MARCHF4: variants seen among roughly 807,000 people sequenced by gnomAD.
MARCHF4 encodes the protein E3 ubiquitin-protein ligase MARCHF4.
Under a neutral mutation model 43.9 loss-of-function variants are expected in MARCHF4, and 14 were observed. That is an observed-to-expected ratio of 0.32 (90% CI 0.21 to 0.50). The LOEUF (loss-of-function observed/expected upper bound fraction) is 0.50. Ranked by LOEUF, MARCHF4 falls within the 20% of genes least tolerant of loss-of-function variation. The probability of loss-of-function intolerance (pLI) is 0.98; values close to 1 mark genes in which losing one functional copy is unlikely to be tolerated. For synonymous variants in MARCHF4, 226 were observed against 213.3 expected, an observed-to-expected ratio of 1.06 and a Z score of -0.52; for missense variants, 468 against 536.7, an observed-to-expected ratio of 0.87 and a Z score of 1.27.
At position 216,369,799 on chromosome 2, in the gene MARCHF4, C is replaced by T; in HGVS notation, c.462G>A (p.Leu154=). ...AGAGTGGGGTCCTCATACCACTGTC[C>T]AAGCTGCTGCCCAGTGAGTAGCGAT... The part of the protein sequence containing the change: ...TEDRYSLGSS[L]DSGMRTPLCR... The change falls in exon 1 of 4, where the codon TTG becomes TTA. Residue 154 remains leucine (L), a synonymous_variant. Coordinates refer to ENST00000273067, the MANE Select transcript of MARCHF4 (RefSeq NM_020814.3). The T allele has an allele frequency of 6.2e-7, 1 of 1,612,982 alleles. No individual in the cohort carries two copies. Among genetic ancestry groups the T allele is most frequent in the Non-Finnish European group, 8.5e-7 (1 of 1,179,496 alleles).
At chr2:216,326,924 C>T in intron 1 of MARCHF4, among the ~76,000 whole-genome samples, 1 of 151,876 alleles carries the variant, frequency 6.6e-6, no homozygotes, top group Non-Finnish European at 1.5e-5. Context: ...AACTAACCTG[C>T]ACATTGTGCA....
At chr2:216,305,685 G>A (rs1691575709) in intron 1 of MARCHF4, among the ~76,000 whole-genome samples, 1 of 152,210 alleles carries the variant, frequency 6.6e-6, no homozygotes, top group Non-Finnish European at 1.5e-5. Context: ...CTATGGCCAA[G>A]AGCACTGAAT....
chr2:216,310,178 A>G (rs1477860348), intron 1 of MARCHF4, among the ~76,000 whole-genome samples: 1 of 152,236 alleles, frequency 6.6e-6, no homozygotes, highest in African/African-American at 2.4e-5. Context: ...GTGGTCACCT[A>G]GCCTTGACTC....
chr2:216,362,840 A>T (rs1692607333), intron 1 of MARCHF4, among the ~76,000 whole-genome samples: 1 of 152,094 alleles, frequency 6.6e-6, no homozygotes, highest in Non-Finnish European at 1.5e-5. Context: ...GCACATGTAA[A>T]CTCTGGCTTA....
intron 1 of MARCHF4, among the ~76,000 whole-genome samples, chr2:216,336,620 C>G (rs1692160136): frequency 6.6e-6 from 1 of 151,834 alleles, no homozygotes; most frequent in Admixed American, 6.6e-5. Context: ...TCCTAACTGG[C>G]TATTTTGTGA....
At chr2:216,274,592 T>C (rs1370924941) in intron 3 of MARCHF4, among the ~76,000 whole-genome samples, 1 of 152,190 alleles carries the variant, frequency 6.6e-6, no homozygotes, top group African/African-American at 2.4e-5. Context: ...TTACCATCAG[T>C]AAAATCCCCA....
intron 1 of MARCHF4, among the ~76,000 whole-genome samples, chr2:216,310,689 C>T (rs1691672107): frequency 6.6e-6 from 1 of 152,148 alleles, no homozygotes; most frequent in African/African-American, 2.4e-5. Flanking sequence ...TGGTGGGTAG[C>T]CAGTCTGGCT....
intron 1 of MARCHF4, 103 bp downstream of exon 1, chr2:216,369,642 A>G: frequency 3.2e-6 from 3 of 941,548 alleles, no homozygotes; most frequent in South Asian, 1.7e-5. Context: ...TAGAGTCCTC[A>G]TACTAAAGAC....
Position 216,369,725 on chromosome 2 carries a change from G to C in MARCHF4, c.516+20C>G. 2 of 1,537,042 alleles carry C rather than the reference G, an allele frequency of 1.3e-6. No individual in the cohort carries two copies. Among genetic ancestry groups the C allele is most frequent in the Non-Finnish European group, 1.8e-6 (2 of 1,138,320 alleles). On this transcript the variant is annotated intron_variant, in intron 1 of 3. Transcript: ENST00000273067. ...CCTGAAAATACCACAGGAAGCAGGA[G>C]AAGAGAAAAGGGGACTCACCTGTTC...
rs1692755118 is a variant in MARCHF4 at position 216,371,243 on chromosome 2, A to C, written c.-983T>G. 1.3e-5 allele frequency: 2 copies of C among 152,690 alleles called. No individual in the cohort carries two copies. Among genetic ancestry groups the C allele is most frequent in the Non-Finnish European group, 2.9e-5 (2 of 68,262 alleles). The allele number at this position is 152,690 out of a possible 1,614,324, so 9.5% of individuals were successfully genotyped here. On this transcript the variant is annotated 5_prime_UTR_variant, in exon 1 of 4. Coordinates refer to ENST00000273067, the MANE Select transcript of MARCHF4 (RefSeq NM_020814.3). ...GGGGTAGAGGAGAGGGGCGTGTGGG[A>C]GAGAACAGGAGAAAGGAGTGGTTAC... is the stretch of plus-strand genomic sequence containing the variant.
rs1692731315 is a variant in MARCHF4 at position 216,370,025 on chromosome 2, A to G, written c.236T>C (p.Leu79Pro). 1 of 1,546,396 alleles carries G rather than the reference A, an allele frequency of 6.5e-7. No individual in the cohort carries two copies. Among genetic ancestry groups the G allele is most frequent in the African/African-American group, 1.4e-5 (1 of 73,190 alleles). The change falls in exon 1 of 4, where the codon CTT becomes CCT. Residue 79 changes from leucine (L) to proline (P), a missense_variant. Leu to Pro is a moderately conservative substitution (Grantham distance 98, BLOSUM62 -3). Transcript: ENST00000273067. ...CCACCCCCCGGCGCCCAGAGCCGGAAGGGTGTTGTTGGCCGCCAAACCGGG... is the reference window on the plus strand; with the variant it reads ...CCACCCCCCGGCGCCCAGAGCCGGAGGGGTGTTGTTGGCCGCCAAACCGGG... Reference protein sequence around the residue: ...QPPGLAANNTLPALGAGGWAG... With the variant: ...QPPGLAANNTPPALGAGGWAG...
chr2:216,334,659 C>A (rs887546356), intron 1 of MARCHF4, among the ~76,000 whole-genome samples: 6 of 152,186 alleles, frequency 3.9e-5, no homozygotes, highest in Non-Finnish European at 8.8e-5. Flanking sequence ...CCTCAGCCTC[C>A]CAAAGCACTG....
At chr2:216,292,381 A>T (rs1691322534) in intron 1 of MARCHF4, among the ~76,000 whole-genome samples, 1 of 152,240 alleles carries the variant, frequency 6.6e-6, no homozygotes, top group Non-Finnish European at 1.5e-5. Flanking sequence ...AATCTAGAGA[A>T]TCTAAAGCCT....
Position 216,277,844 on chromosome 2 carries a change from C to T in MARCHF4, c.693G>A (p.Thr231=), listed in dbSNP as rs762905105. ...NPLQWQAISL[T]VIEKVQVAAA... ...CTGCAACCTGAACCTTCTCAATGAC[C>T]GTCAGAGAGATGGCCTGCCACTGCA... Residue 231 remains threonine, a synonymous_variant, in exon 3 of 4, where the codon ACG becomes ACA. Transcript: ENST00000273067. The T allele has an allele frequency of 2.2e-5, 36 of 1,611,794 alleles. No homozygotes were observed. The Admixed American group carries it at 2.3e-4, about 10-fold the overall frequency.
At chr2:216,369,661 C>A (rs569622977) in intron 1 of MARCHF4, 84 bp downstream of exon 1, 29 of 1,131,194 alleles carry the variant, frequency 2.6e-5, no homozygotes, top group Admixed American at 9.2e-5. Flanking sequence ...ACAATATAAC[C>A]GTTCCCCAGG....
intron 2 of MARCHF4, 25 bp downstream of exon 2, chr2:216,283,549 C>A (rs1691166801): frequency 6.4e-7 from 1 of 1,566,930 alleles, no homozygotes; most frequent in East Asian, 2.3e-5. Flanking sequence ...GCCCAGCAAC[C>A]CCACCAGGCA....
chr2:216,277,640 C>A, intron 3 of MARCHF4, 32 bp downstream of exon 3: 1 of 1,561,234 alleles, frequency 6.4e-7, no homozygotes, highest in South Asian at 1.2e-5. Context: ...CATGGTTCCC[C>A]ACTTCCCATG....
chr2:216,295,882 T>C (rs1481621209), intron 1 of MARCHF4, among the ~76,000 whole-genome samples: 1 of 152,184 alleles, frequency 6.6e-6, no homozygotes, highest in Non-Finnish European at 1.5e-5. Flanking sequence ...GTGCGGTGGC[T>C]CACGCCTGTA....
chr2:216,370,321 G>C lies in MARCHF4; in HGVS notation c.-61C>G. 6.7e-7 allele frequency: 1 copy of C among 1,481,678 alleles called. No individual in the cohort carries two copies. The highest frequency in any genetic ancestry group is 9.0e-7 in the Non-Finnish European group (1 of 1,113,082). 91.8% of individuals were successfully genotyped at this position (1,481,678 alleles called of 1,614,324 possible). On this transcript the variant is annotated 5_prime_UTR_variant, in exon 1 of 4. Coordinates refer to ENST00000273067, the MANE Select transcript of MARCHF4 (RefSeq NM_020814.3). The stretch of plus-strand genomic sequence containing the variant: ...CTGGAGTCTTAAAAGAGGGGGACAG[G>C]ACAGGTTTTGGGGGTCCACAGTGGA...
Sources: allele counts gnomAD v4.1 joint callset (sites outside exome capture counted in the v4.1 genomes callset), GRCh38; gene constraint gnomAD v4.1.1; transcripts MANE v1.5; gene names NCBI Gene and HGNC (gene_info 2026-07-23, HGNC 2026-07-21).